Variants in RBFOX1 observed in about 807,000 individuals in gnomAD.
The protein encoded by RBFOX1 is RNA binding protein fox-1 homolog 1.
A neutral mutation model predicts 57.7 loss-of-function variants in RBFOX1; 8 were observed. That is an observed-to-expected ratio of 0.14 (90% CI 0.08 to 0.25). The LOEUF is 0.25. Ranked by LOEUF, RBFOX1 falls within the 10% of genes least tolerant of loss-of-function variation. The pLI, the probability that RBFOX1 is intolerant of heterozygous loss-of-function variation, is 1.00. For missense variants in RBFOX1, 611 were observed against 548.5 expected, an observed-to-expected ratio of 1.11 and a Z score of -1.14; for synonymous variants, 326 against 222.4, an observed-to-expected ratio of 1.47 and a Z score of -4.15.
chr16:6,303,040 A>G lies in RBFOX1; in HGVS notation c.-126-13955A>G, dbSNP rs141260056. Among the ~76,000 whole-genome samples, 824 of 152,220 alleles carry G rather than the reference A, an allele frequency of 5.4e-3. 11 individuals carry two copies. Among genetic ancestry groups the G allele is most frequent in the African/African-American group, 0.019 (804 of 41,556 alleles). On this transcript the variant is annotated intron_variant, in intron 1 of 15. Coordinates refer to ENST00000550418, the MANE Select transcript of RBFOX1 (RefSeq NM_018723.4). ...TGATTCTGTTGGGATATGATGCTTG[A>G]GGTTCTTATTCTTAAAGATAACTGC... is the stretch of plus-strand genomic sequence containing the variant.
chr16:7,651,691 C>T (rs565246488), intron 11 of RBFOX1, among the ~76,000 whole-genome samples: 8 of 152,296 alleles, frequency 5.3e-5, no homozygotes, highest in African/African-American at 1.7e-4. Context: ...GAACTACAAC[C>T]CCTGCCCCTT....
rs1457901071 is a variant in RBFOX1, at chr16:5,596,943, G to A, written c.259-1959G>A. Among the ~76,000 whole-genome samples the A allele has an allele frequency of 2.6e-5, 4 of 152,158 alleles. No homozygotes were observed. In the East Asian group the frequency reaches 7.7e-4, roughly 29 times the overall value. The stretch of plus-strand genomic sequence containing the variant: ...GCATGAGGACCATTCTCTGTGTTGA[G>A]GAAGGAGGGGAACAAACACATTTTT... On this transcript the variant is annotated intron_variant, in intron 2 of 2. Transcript: ENST00000585867.
chr16:5,653,455 C>G (rs894723705), intron 3 of RBFOX1, among the ~76,000 whole-genome samples: 1 of 142,642 alleles, frequency 7.0e-6, no homozygotes, highest in Admixed American at 7.0e-5. Context: ...TGTGCTCCAC[C>G]TTTGTACGGA....
intron 2 of RBFOX1, among the ~76,000 whole-genome samples, chr16:5,512,454 A>G (rs575220221): frequency 8.2e-4 from 115 of 140,010 alleles, no homozygotes; most frequent in African/African-American, 2.8e-3. Context: ...CTCTTCTTTC[A>G]TTATGTGGAT....
intron 3 of RBFOX1, among the ~76,000 whole-genome samples, chr16:6,729,500 C>G (rs1201550023): frequency 6.6e-6 from 1 of 152,086 alleles, no homozygotes; most frequent in Admixed American, 6.6e-5. Flanking sequence ...TTTAAAGTGC[C>G]AGTTTAGACA....
chr16:7,513,681 G>A (rs890615217), intron 4 of RBFOX1, among the ~76,000 whole-genome samples: 7 of 152,154 alleles, frequency 4.6e-5, no homozygotes, highest in African/African-American at 1.7e-4. Flanking sequence ...TCACACCTCT[G>A]TAAGAACTAC....
intron 1 of RBFOX1, among the ~76,000 whole-genome samples, chr16:6,154,027 C>G (rs1248415635): frequency 6.6e-6 from 1 of 152,162 alleles, no homozygotes; most frequent in Non-Finnish European, 1.5e-5. Context: ...GCTGTGGGTT[C>G]AAAATGAGGA....
chr16:5,441,567 G>C (rs774193415), intron 1 of RBFOX1, among the ~76,000 whole-genome samples: 1 of 152,082 alleles, frequency 6.6e-6, no homozygotes, highest in African/African-American at 2.4e-5. Flanking sequence ...GTTTCACCAT[G>C]TTGGCCAGGC....
intron 4 of RBFOX1, among the ~76,000 whole-genome samples, chr16:5,978,992 G>A (rs1293077243): frequency 6.6e-6 from 1 of 152,172 alleles, no homozygotes; most frequent in African/African-American, 2.4e-5. Flanking sequence ...GAGTTATGGT[G>A]CTAAGAAAGT....
At chr16:7,371,583 C>G (rs973871457) in intron 4 of RBFOX1, among the ~76,000 whole-genome samples, 19 of 152,220 alleles carry the variant, frequency 1.2e-4, no homozygotes, top group Middle Eastern at 3.4e-3. Flanking sequence ...AACCCTGTCT[C>G]TACTAAAAAT....
intron 2 of RBFOX1, among the ~76,000 whole-genome samples, chr16:5,543,661 A>C (rs7205647): frequency 1.0e-3 from 154 of 152,346 alleles, no homozygotes; most frequent in African/African-American, 3.6e-3. Flanking sequence ...TTTCATGAAA[A>C]TCACAAACCC....
At chr16:7,704,238 A>C (rs1440948277) in intron 14 of RBFOX1, among the ~76,000 whole-genome samples, 1 of 152,242 alleles carries the variant, frequency 6.6e-6, no homozygotes, top group East Asian at 1.9e-4. Context: ...AAGGTCAAAA[A>C]GATGAGGTCT....
At chr16:6,317,141 A>G (rs1216737541) in intron 2 of RBFOX1, 84 bp downstream of exon 2, 5 of 1,318,676 alleles carry the variant, frequency 3.8e-6, no homozygotes, top group African/African-American at 1.5e-5. Context: ...TCTTTTCTGC[A>G]GGTTTGAAGT....
intron 4 of RBFOX1, among the ~76,000 whole-genome samples, chr16:7,329,936 T>C (rs907432059): frequency 6.6e-6 from 1 of 152,196 alleles, no homozygotes; most frequent in African/African-American, 2.4e-5. Flanking sequence ...ATACACACAG[T>C]CACGTGTCCC....
chr16:5,449,901 C>A (rs905347337), intron 1 of RBFOX1, among the ~76,000 whole-genome samples: 1 of 152,216 alleles, frequency 6.6e-6, no homozygotes, highest in South Asian at 2.1e-4. Flanking sequence ...AGCCACTGCA[C>A]CCAGCCCACC....
intron 3 of RBFOX1, among the ~76,000 whole-genome samples, chr16:5,819,898 A>T (rs1229125298): frequency 6.6e-6 from 1 of 152,020 alleles, no homozygotes; most frequent in African/African-American, 2.4e-5. Flanking sequence ...TTCATTCATC[A>T]CTCACCTCCG....
At chr16:6,547,989 G>T (rs1369736838) in intron 2 of RBFOX1, among the ~76,000 whole-genome samples, 1 of 152,152 alleles carries the variant, frequency 6.6e-6, no homozygotes, top group African/African-American at 2.4e-5. Context: ...TACACTGAAA[G>T]TCCTTTAATC....
At chr16:5,903,427 T>A (rs74004698) in intron 4 of RBFOX1, among the ~76,000 whole-genome samples, 15 of 152,106 alleles carry the variant, frequency 9.9e-5, no homozygotes, top group African/African-American at 2.4e-5. Context: ...GGCAGATCCC[T>A]GTTTGCAAAA....
At chr16:5,905,278 C>G (rs762048626) in intron 4 of RBFOX1, among the ~76,000 whole-genome samples, 2 of 151,840 alleles carry the variant, frequency 1.3e-5, no homozygotes, top group African/African-American at 4.8e-5. Flanking sequence ...GTCTAGAACT[C>G]CGGACCTCAG....
Sources: gnomAD v4.1 joint callset for allele counts (sites outside exome capture counted in the v4.1 genomes callset) on GRCh38, gnomAD v4.1.1 for gene constraint, MANE v1.5 for transcripts, NCBI Gene and HGNC (gene_info 2026-07-23, HGNC 2026-07-21) for gene names.